The following ADCK1 variants were observed in gnomAD, a reference collection of about 807,000 sequenced individuals.
ADCK1 encodes the protein aarF domain-containing protein kinase 1.
A neutral mutation model predicts 52.3 loss-of-function variants in ADCK1; 41 were observed. The ratio of observed to expected loss-of-function variants is 0.78; its 90% CI spans 0.61 to 1.02. The LOEUF (loss-of-function observed/expected upper bound fraction) is 1.02, where lower values mean the gene tolerates loss of function less well. Ranked by LOEUF, ADCK1 falls within the 50% of genes least tolerant of loss-of-function variation. The probability of loss-of-function intolerance (pLI) is 0.00; values close to 1 mark genes in which losing one functional copy is unlikely to be tolerated. For missense variants in ADCK1, 658 were observed against 679.5 expected, an observed-to-expected ratio of 0.97 and a Z score of 0.35; for synonymous variants, 250 against 274.6, an observed-to-expected ratio of 0.91 and a Z score of 0.89.
chr14:77,896,587 C>T (rs368342285), intron 5 of ADCK1, among the ~76,000 whole-genome samples: 1 of 152,354 alleles, frequency 6.6e-6, no homozygotes, highest in East Asian at 1.9e-4. Context: ...ACTTCTGTTT[C>T]CCGTTCACTT....
intron 1 of ADCK1, among the ~76,000 whole-genome samples, chr14:77,806,432 T>A (rs2081227024): frequency 6.6e-6 from 1 of 152,160 alleles, no homozygotes; most frequent in African/African-American, 2.4e-5. Flanking sequence ...CTTACTCTCA[T>A]AATTTTGTGA....
chr14:77,914,807 CA>C (rs1294385269), intron 7 of ADCK1, among the ~76,000 whole-genome samples: 1 of 152,190 alleles, frequency 6.6e-6, no homozygotes, highest in African/African-American at 2.4e-5. Context: ...TCATGGTTCA[CA>C]GAGGCATGTC....
chr14:77,868,347 A>T (rs564199118), intron 4 of ADCK1, among the ~76,000 whole-genome samples: 1 of 152,330 alleles, frequency 6.6e-6, no homozygotes, highest in African/African-American at 2.4e-5. Flanking sequence ...ATGGAAGCTC[A>T]GTGCCCGGAA....
chr14:77,862,627 G>T (rs558556002), intron 4 of ADCK1, among the ~76,000 whole-genome samples: 9 of 152,216 alleles, frequency 5.9e-5, no homozygotes, highest in Non-Finnish European at 8.8e-5. Flanking sequence ...ACGTGGTATT[G>T]GAGTTAGGAG....
intron 4 of ADCK1, among the ~76,000 whole-genome samples, chr14:77,865,104 A>G (rs2082634827): frequency 6.6e-6 from 1 of 151,682 alleles, no homozygotes; most frequent in African/African-American, 2.4e-5. Context: ...CAATATAGGG[A>G]GACCCCATCT....
chr14:77,857,306 C>T (rs1309367713), intron 3 of ADCK1, among the ~76,000 whole-genome samples: 3 of 152,050 alleles, frequency 2.0e-5, no homozygotes, highest in Non-Finnish European at 4.4e-5. Context: ...CAGTGAGACC[C>T]TTTCTCAAAA....
chr14:77,816,670 G>A (rs371625978), intron 1 of ADCK1, among the ~76,000 whole-genome samples: 7 of 150,852 alleles, frequency 4.6e-5, no homozygotes, highest in Admixed American at 1.3e-4. Context: ...GCCAGCAAAC[G>A]TAAGTGTGTA....
At chr14:77,852,883 G>GTGTATATATATA (rs1555351667) in intron 3 of ADCK1, among the ~76,000 whole-genome samples, 4 of 18,510 alleles carry the variant, frequency 2.2e-4, no homozygotes, top group Non-Finnish European at 4.0e-4. Context: ...TTTTATGTGT[G>GTGTATATATATA]TATATATATA....
chr14:77,825,174 A>G (rs888151462), intron 3 of ADCK1, among the ~76,000 whole-genome samples: 10 of 152,112 alleles, frequency 6.6e-5, no homozygotes, highest in African/African-American at 2.4e-4. Flanking sequence ...TTTTTAGACT[A>G]TCTGTTCCTT....
intron 6 of ADCK1, among the ~76,000 whole-genome samples, chr14:77,906,629 T>C (rs757194808): frequency 1.3e-5 from 2 of 152,224 alleles, no homozygotes; most frequent in Non-Finnish European, 2.9e-5. Context: ...ACATATGGTT[T>C]TGGTGGTTTA....
chr14:77,903,469 A>G (rs2083592162), intron 6 of ADCK1, among the ~76,000 whole-genome samples: 1 of 152,258 alleles, frequency 6.6e-6, no homozygotes, highest in Non-Finnish European at 1.5e-5. Flanking sequence ...TCAGACAAGC[A>G]CTGAATGCAA....
At chr14:77,826,567 A>T (rs995433893) in intron 3 of ADCK1, among the ~76,000 whole-genome samples, 1 of 152,214 alleles carries the variant, frequency 6.6e-6, no homozygotes, top group Admixed American at 6.5e-5. Context: ...CCTGGTGTTC[A>T]AGATGCTTAT....
intron 4 of ADCK1, among the ~76,000 whole-genome samples, chr14:77,884,702 T>G (rs2083109533): frequency 6.6e-6 from 1 of 152,228 alleles, no homozygotes; most frequent in Non-Finnish European, 1.5e-5. Context: ...TGCTACTATG[T>G]GACCCTCAGC....
chr14:77,808,820 C>T (rs936604581), intron 1 of ADCK1, among the ~76,000 whole-genome samples: 6 of 152,212 alleles, frequency 3.9e-5, no homozygotes, highest in Admixed American at 6.5e-5. Flanking sequence ...AGGTGATCCA[C>T]CCGCCTTGGC....
intron 3 of ADCK1, among the ~76,000 whole-genome samples, chr14:77,842,183 C>T (rs1172981983): frequency 2.0e-5 from 3 of 152,064 alleles, no homozygotes; most frequent in African/African-American, 7.2e-5. Flanking sequence ...CAAATTTAAG[C>T]AAATTATAGA....
At chr14:77,807,100 G>C (rs1403871930) in intron 1 of ADCK1, among the ~76,000 whole-genome samples, 1 of 107,928 alleles carries the variant, frequency 9.3e-6, no homozygotes, top group Non-Finnish European at 1.7e-5. Context: ...ACGGAGTCTC[G>C]CTCTGTCGCC....
intron 1 of ADCK1, among the ~76,000 whole-genome samples, chr14:77,809,816 C>T (rs1370257682): frequency 6.6e-6 from 1 of 151,394 alleles, no homozygotes; most frequent in Non-Finnish European, 1.5e-5. Flanking sequence ...GGGAGTATCA[C>T]CTGAGGCCAG....
intron 3 of ADCK1, chr14:77,827,780 A>G: frequency 2.6e-6 from 1 of 383,786 alleles, no homozygotes; most frequent in Non-Finnish European, 5.0e-6. Context: ...CCTGGCACCT[A>G]GTCCTACTCC....
intron 3 of ADCK1, among the ~76,000 whole-genome samples, chr14:77,834,647 G>A (rs1403799842): frequency 6.6e-6 from 1 of 152,226 alleles, no homozygotes; most frequent in Non-Finnish European, 1.5e-5. Flanking sequence ...GTTGCTGTGT[G>A]CTGGGCATCT....
Sources: allele counts gnomAD v4.1 joint callset (sites outside exome capture counted in the v4.1 genomes callset), GRCh38; gene constraint gnomAD v4.1.1; transcripts MANE v1.5; gene names NCBI Gene and HGNC (gene_info 2026-07-23, HGNC 2026-07-21).